Variants in ZNF277 observed in about 807,000 individuals in gnomAD.
ZNF277 encodes nuclear receptor-interacting factor 4.
Under a neutral mutation model 60.7 loss-of-function variants are expected in ZNF277, and 55 were observed. The observed-to-expected ratio is 0.91, with a 90% confidence interval of 0.73 to 1.13. ZNF277 has a LOEUF of 1.13. Ranked by LOEUF, ZNF277 falls within the 50% of genes most tolerant of loss-of-function variation. ZNF277 has a pLI of 0.00. For synonymous variants in ZNF277, 178 were observed against 179.3 expected, an observed-to-expected ratio of 0.99 and a Z score of 0.06; for missense variants, 510 against 523.0, an observed-to-expected ratio of 0.98 and a Z score of 0.24.
chr7:112,269,090 CT>C (rs1791609350), intron 1 of ZNF277, among the ~76,000 whole-genome samples: 1 of 151,980 alleles, frequency 6.6e-6, no homozygotes, highest in Admixed American at 6.6e-5. Context: ...ATAATTGCCT[CT>C]TGTTAGTCAT....
rs1793475492 is a variant in ZNF277, at chr7:112,343,028, A to G, written c.*299A>G. 5.3e-6 allele frequency: 1 copy of G among 188,774 alleles called. No homozygotes were observed. The allele number at this position is 188,774 out of a possible 1,614,324, so 11.7% of individuals were successfully genotyped here. A position where few individuals can be genotyped will look rare whatever the true frequency, so the allele number is the denominator to read the frequency against. On this transcript the variant is annotated 3_prime_UTR_variant, in exon 12 of 12. Transcript: ENST00000361822. Reference sequence around the variant, plus strand: ...CTTCATTAAACTCATAATTATATATAGAAGTATATGTCAATTACAAAGAAA... The same window carrying G: ...CTTCATTAAACTCATAATTATATATGGAAGTATATGTCAATTACAAAGAAA...
At chr7:112,217,977 T>C (rs1296450401) in intron 1 of ZNF277, among the ~76,000 whole-genome samples, 1 of 152,154 alleles carries the variant, frequency 6.6e-6, no homozygotes, top group Admixed American at 6.6e-5. Context: ...ATCTCTGACC[T>C]GACCAATCAG....
chr7:112,293,511 C>G (rs1473195048), intron 2 of ZNF277, among the ~76,000 whole-genome samples: 1 of 148,868 alleles, frequency 6.7e-6, no homozygotes, highest in African/African-American at 2.5e-5. Flanking sequence ...GCCCAGGAGG[C>G]AGAGGTTGCA....
chr7:112,314,719 C>T (rs1035649537), intron 4 of ZNF277, among the ~76,000 whole-genome samples: 4 of 152,056 alleles, frequency 2.6e-5, no homozygotes, highest in Admixed American at 2.6e-4. Context: ...TCGCTTGAGC[C>T]CACGAAGTCG....
chr7:112,342,763 A>G lies in ZNF277; in HGVS notation c.*34A>G. 6.9e-7 allele frequency: 1 copy of G among 1,439,548 alleles called. No individual in the cohort carries two copies. The highest frequency in any genetic ancestry group is 1.6e-5 in the South Asian group (1 of 62,840). 89.2% of individuals were successfully genotyped at this position (1,439,548 alleles called of 1,614,324 possible). A position where few individuals can be genotyped will look rare whatever the true frequency, so the allele number is the denominator to read the frequency against. ...GAAAACCTAGAAGAAACTACCACAG[A>G]AGCAATTTTTCATGTTTTTCTCCTA... is the stretch of plus-strand genomic sequence containing the variant. On this transcript the variant is annotated 3_prime_UTR_variant, in exon 12 of 12. Coordinates refer to ENST00000361822, the MANE Select transcript of ZNF277 (RefSeq NM_021994.3).
At chr7:112,249,265 C>A (rs1791147638) in intron 1 of ZNF277, among the ~76,000 whole-genome samples, 1 of 152,118 alleles carries the variant, frequency 6.6e-6, no homozygotes, top group Admixed American at 6.6e-5. Flanking sequence ...CATTACTGAT[C>A]TTTTCCCTTT....
chr7:112,298,099 T>A (rs767666962), intron 4 of ZNF277, among the ~76,000 whole-genome samples: 1 of 152,196 alleles, frequency 6.6e-6, no homozygotes, highest in African/African-American at 2.4e-5. Flanking sequence ...TAGATGCCTA[T>A]ACAAAGAAGT....
At chr7:112,290,244 C>T (rs7806811) in intron 2 of ZNF277, among the ~76,000 whole-genome samples, 7,767 of 152,274 alleles carry the variant, frequency 0.051, 271 homozygotes, top group Admixed American at 0.12. Flanking sequence ...TCTTTCTCCT[C>T]TGCCCGTAAA....
chr7:112,221,828 A>G (rs890949706), intron 1 of ZNF277, among the ~76,000 whole-genome samples: 2 of 152,202 alleles, frequency 1.3e-5, no homozygotes, highest in Non-Finnish European at 2.9e-5. Flanking sequence ...ACAGGCCACA[A>G]ACCAGTACTG....
intron 7 of ZNF277, 110 bp downstream of exon 7, chr7:112,330,326 A>G (rs772489509): frequency 9.8e-7 from 1 of 1,018,804 alleles, no homozygotes; most frequent in East Asian, 2.5e-5. Flanking sequence ...TCAAAATGTA[A>G]TTGAGGGGCA....
chr7:112,281,402 T>C (rs968679810), intron 1 of ZNF277, among the ~76,000 whole-genome samples: 3 of 152,218 alleles, frequency 2.0e-5, no homozygotes, highest in African/African-American at 7.2e-5. Flanking sequence ...TTACTTACTC[T>C]GAATTCCAAA....
intron 1 of ZNF277, among the ~76,000 whole-genome samples, chr7:112,221,777 C>T (rs1822037877): frequency 2.6e-5 from 4 of 152,190 alleles, no homozygotes; most frequent in Admixed American, 2.6e-4. Flanking sequence ...CTCAGCTTCA[C>T]TCACATGCAG....
At chr7:112,225,482 T>C (rs1237740019) in intron 1 of ZNF277, among the ~76,000 whole-genome samples, 2 of 152,242 alleles carry the variant, frequency 1.3e-5, no homozygotes, top group Admixed American at 1.3e-4. Flanking sequence ...CCTTGTGAAA[T>C]ACTTTAGAGT....
chr7:112,229,145 G>A lies in ZNF277; in HGVS notation c.91+22338G>A, dbSNP rs191791419. ...CAAGACATAGTTGTGTATTCTTTGAGCTTATAGTCTAATTGGAGAAGAGTA... is the reference window on the plus strand; with the variant it reads ...CAAGACATAGTTGTGTATTCTTTGAACTTATAGTCTAATTGGAGAAGAGTA... On this transcript the variant is annotated intron_variant, in intron 1 of 11. Coordinates refer to ENST00000361822, the MANE Select transcript of ZNF277 (RefSeq NM_021994.3). 3.2e-3 allele frequency among the ~76,000 whole-genome samples: 489 copies of A among 152,288 alleles called. 3 individuals are homozygous for A. The highest frequency in any genetic ancestry group is 0.02 in the Middle Eastern group (6 of 294).
chr7:112,266,984 T>C (rs1791564940), intron 1 of ZNF277, among the ~76,000 whole-genome samples: 1 of 152,184 alleles, frequency 6.6e-6, no homozygotes, highest in Admixed American at 6.5e-5. Context: ...CTGTTCTTTA[T>C]TCCTTTTTGA....
At chr7:112,338,601 C>G (rs965869845) in intron 9 of ZNF277, among the ~76,000 whole-genome samples, 8 of 152,202 alleles carry the variant, frequency 5.3e-5, no homozygotes, top group Non-Finnish European at 1.0e-4. Context: ...TTTCACCTCA[C>G]CCTTATTCAG....
intron 1 of ZNF277, among the ~76,000 whole-genome samples, chr7:112,263,207 T>C (rs1228891346): frequency 6.6e-6 from 1 of 152,154 alleles, no homozygotes; most frequent in Non-Finnish European, 1.5e-5. Flanking sequence ...CTGCTGATCT[T>C]ATTGAGGGTT....
At chr7:112,247,040 A>T (rs1791102019) in intron 1 of ZNF277, among the ~76,000 whole-genome samples, 1 of 152,188 alleles carries the variant, frequency 6.6e-6, no homozygotes, top group African/African-American at 2.4e-5. Context: ...GCCACATTGC[A>T]CACTGTAACC....
rs540158382 is a variant in ZNF277, at chr7:112,271,562, A to AT, written c.92-15305dup. Among the ~76,000 whole-genome samples, 838 of 152,316 alleles carry AT rather than the reference A, an allele frequency of 5.5e-3. 3 individuals are homozygous for AT. The highest frequency in any genetic ancestry group is 0.01 in the Middle Eastern group (3 of 294). On this transcript the variant is annotated intron_variant, in intron 1 of 11. Transcript: ENST00000361822. ...GCTTTAAAAGACTGCTTATAACTAC[A>AT]TTTTTTAAAAGCAGCCCAAATCCTG...
Sources: allele counts gnomAD v4.1 joint callset (sites outside exome capture counted in the v4.1 genomes callset), GRCh38; gene constraint gnomAD v4.1.1; transcripts MANE v1.5; gene names NCBI Gene and HGNC (gene_info 2026-07-23, HGNC 2026-07-21).